NPAS3: variants seen among roughly 807,000 people sequenced by gnomAD.
The protein encoded by NPAS3 is neuronal PAS domain protein 3, also known as neuronal PAS domain-containing protein 3.
In NPAS3, 14 loss-of-function variants were observed where a neutral mutation model predicts 73.1. The observed-to-expected ratio is 0.19, with a 90% CI of 0.13 to 0.30. NPAS3 has a LOEUF of 0.30. Among genes scored for constraint, NPAS3 ranks in the 10% least tolerant of loss-of-function variants. NPAS3 has a pLI of 1.00. For synonymous variants in NPAS3, 620 were observed against 541.5 expected, an observed-to-expected ratio of 1.14 and a Z score of -2.01; for missense variants, 1,096 against 1,250.0, an observed-to-expected ratio of 0.88 and a Z score of 1.86.
At chr14:33,192,670 A>C (rs777866565) in intron 2 of NPAS3, among the ~76,000 whole-genome samples, 20 of 152,246 alleles carry the variant, frequency 1.3e-4, no homozygotes, top group Admixed American at 3.3e-4. Flanking sequence ...AGAAGTCAGG[A>C]GTACAGAAAT....
intron 6 of NPAS3, among the ~76,000 whole-genome samples, chr14:33,704,963 C>G (rs993118055): frequency 6.6e-6 from 1 of 152,168 alleles, no homozygotes; most frequent in African/African-American, 2.4e-5. Flanking sequence ...GCAGGTCGCT[C>G]ATAAACCATT....
At chr14:33,103,739 T>G (rs2138907186) in intron 2 of NPAS3, among the ~76,000 whole-genome samples, 1 of 152,284 alleles carries the variant, frequency 6.6e-6, no homozygotes, top group South Asian at 2.1e-4. Context: ...AGAGATTAGC[T>G]AAAGCATATG....
intron 1 of NPAS3, among the ~76,000 whole-genome samples, chr14:33,041,949 A>G (rs1411059492): frequency 1.3e-5 from 2 of 152,128 alleles, no homozygotes; most frequent in Non-Finnish European, 2.9e-5. Flanking sequence ...CATCTTGGGA[A>G]GCATGAGAGT....
At chr14:33,487,294 T>C (rs2051656556) in intron 4 of NPAS3, among the ~76,000 whole-genome samples, 4 of 152,204 alleles carry the variant, frequency 2.6e-5, no homozygotes, top group Admixed American at 2.0e-4. Context: ...CCAGACATAA[T>C]AGTTAAAATT....
chr14:33,576,584 TAAAGG>T (rs1332866530), intron 5 of NPAS3, among the ~76,000 whole-genome samples: 1 of 152,172 alleles, frequency 6.6e-6, no homozygotes, highest in Non-Finnish European at 1.5e-5. Context: ...GTACATTAAG[TAAAGG>T]AGAGGGAGAT....
chr14:33,133,283 G>A (rs971680096), intron 2 of NPAS3, among the ~76,000 whole-genome samples: 1 of 152,064 alleles, frequency 6.6e-6, no homozygotes, highest in Non-Finnish European at 1.5e-5. Flanking sequence ...ACACAAGAGG[G>A]GCTTTATCTT....
intron 3 of NPAS3, among the ~76,000 whole-genome samples, chr14:33,265,635 A>T (rs1200442177): frequency 6.6e-6 from 1 of 152,184 alleles, no homozygotes; most frequent in Non-Finnish European, 1.5e-5. Flanking sequence ...CTATTTTTCT[A>T]TACTTGAGAA....
rs577056408 is a variant in NPAS3, at chr14:33,258,390, A to T, written c.385+42964A>T. Among the ~76,000 whole-genome samples the T allele has an allele frequency of 2.0e-5, 3 of 152,300 alleles. No individual in the cohort carries two copies. The East Asian group carries it at 5.8e-4, about 29-fold the overall frequency. On this transcript the variant is annotated intron_variant, in intron 3 of 11. Coordinates refer to ENST00000356141, the Ensembl canonical transcript of NPAS3. ...GCACTCCAACCTGGGTGAAAGAAAG[A>T]GTGAGACACTGTCTATAAAAAAAAG... is the stretch of plus-strand genomic sequence containing the variant.
At chr14:33,124,578 A>G (rs559731513) in intron 2 of NPAS3, among the ~76,000 whole-genome samples, 8 of 152,126 alleles carry the variant, frequency 5.3e-5, no homozygotes, top group Non-Finnish European at 1.0e-4. Context: ...AGAAATAAGG[A>G]CTGAAAGAGG....
chr14:33,115,842 G>A (rs2043046462), intron 2 of NPAS3, among the ~76,000 whole-genome samples: 1 of 152,002 alleles, frequency 6.6e-6, no homozygotes, highest in African/African-American at 2.4e-5. Flanking sequence ...TGATGATTTG[G>A]CCCACATCAC....
At chr14:33,209,153 G>A (rs1157565219) in intron 2 of NPAS3, among the ~76,000 whole-genome samples, 2 of 152,034 alleles carry the variant, frequency 1.3e-5, no homozygotes, top group East Asian at 3.8e-4. Context: ...TTTTTGGAGA[G>A]CATTAAACTA....
rs916757128 is a variant in NPAS3, at chr14:33,161,710, G to C, written c.141-53472G>C. ...GTTGTCTTGTAGCCAAGCGGTACAG[G>C]GGAGAACTGGAAAGGTAGGTTCCCA... is the stretch of plus-strand genomic sequence containing the variant. On this transcript the variant is annotated intron_variant, in intron 2 of 11. Coordinates refer to ENST00000356141, the Ensembl canonical transcript of NPAS3. 7.9e-5 allele frequency among the ~76,000 whole-genome samples: 12 copies of C among 152,330 alleles called. 1 individual carries two copies. The highest frequency in any genetic ancestry group is 2.6e-4 in the African/African-American group (11 of 41,582).
Position 33,559,719 on chromosome 14 carries a change from C to T in NPAS3, c.469-402C>T, listed in dbSNP as rs115960745. ...ACTTTCGTTAAACATGGAGAAAAGA[C>T]GGTCTTAAATTCAGCGTGGCCGGGC... On this transcript the variant is annotated intron_variant, in intron 4 of 11. Coordinates refer to ENST00000356141, the Ensembl canonical transcript of NPAS3. 6.5e-3 allele frequency among the ~76,000 whole-genome samples: 993 copies of T among 152,262 alleles called. 12 individuals carry two copies. Among genetic ancestry groups the T allele is most frequent in the African/African-American group, 0.022 (929 of 41,556 alleles).
intron 1 of NPAS3, among the ~76,000 whole-genome samples, chr14:32,945,707 C>T (rs768673356): frequency 1.3e-5 from 2 of 152,150 alleles, no homozygotes; most frequent in Non-Finnish European, 2.9e-5. Context: ...GGGTAGTGAA[C>T]GATAGCCCTC....
chr14:33,663,531 T>C (rs1034718799), intron 5 of NPAS3, among the ~76,000 whole-genome samples: 7 of 152,150 alleles, frequency 4.6e-5, no homozygotes, highest in African/African-American at 1.7e-4. Flanking sequence ...AATTTTCTTT[T>C]TTTGTTGTGT....
chr14:33,451,691 T>G (rs1477969450), intron 4 of NPAS3, among the ~76,000 whole-genome samples: 1 of 152,216 alleles, frequency 6.6e-6, no homozygotes, highest in Admixed American at 6.5e-5. Context: ...TTACAAGCAC[T>G]GTAAATCTTG....
intron 4 of NPAS3, among the ~76,000 whole-genome samples, chr14:33,444,676 C>T (rs1033320350): frequency 1.3e-5 from 2 of 152,200 alleles, no homozygotes; most frequent in Admixed American, 6.5e-5. Flanking sequence ...GTAGTGTTCA[C>T]GATTCCTCCA....
chr14:33,686,866 C>T (rs1490269758), intron 6 of NPAS3, among the ~76,000 whole-genome samples: 1 of 152,112 alleles, frequency 6.6e-6, no homozygotes, highest in Non-Finnish European at 1.5e-5. Flanking sequence ...GTAGTCTTCC[C>T]TATAACATAG....
At chr14:33,497,475 G>T (rs867886903) in intron 4 of NPAS3, among the ~76,000 whole-genome samples, 1 of 151,798 alleles carries the variant, frequency 6.6e-6, no homozygotes, top group Admixed American at 6.6e-5. Flanking sequence ...TAACCAAAAC[G>T]GCATGGTACT....
Sources: gnomAD v4.1 joint callset for allele counts (sites outside exome capture counted in the v4.1 genomes callset) on GRCh38, gnomAD v4.1.1 for gene constraint, MANE v1.5 for transcripts, NCBI Gene and HGNC (gene_info 2026-07-23, HGNC 2026-07-21) for gene names.